The following RELCH variants were observed in gnomAD, a reference collection of about 807,000 sequenced individuals.
RELCH encodes RAB11 binding and LisH domain, coiled-coil and HEAT repeat containing, also known as RAB11-binding protein RELCH.
RELCH carries 41 observed loss-of-function variants against 150.3 expected under a neutral mutation model. The ratio of observed to expected loss-of-function variants is 0.27; its 90% CI spans 0.21 to 0.35. RELCH has a LOEUF of 0.35. RELCH is among the 10% of genes least tolerant of loss of function. RELCH has a pLI of 1.00. For missense variants in RELCH, 1,092 were observed against 1,467.8 expected (o/e 0.74, Z 4.18); for synonymous variants, 478 against 531.8 (o/e 0.90, Z 1.39).
At chr18:62,266,207 G>A (rs2043552957) in intron 18 of RELCH, among the ~76,000 whole-genome samples, 4 of 151,848 alleles carry the variant, frequency 2.6e-5, no homozygotes, top group Non-Finnish European at 5.9e-5. Context: ...ATTTCAATTT[G>A]AAAAGTTGTA....
chr18:62,221,119 T>C lies in RELCH; in HGVS notation c.688+11T>C. 2 of 1,612,734 alleles carry C rather than the reference T, an allele frequency of 1.2e-6. No individual in the cohort carries two copies. The highest frequency in any genetic ancestry group is 1.7e-6 in the Non-Finnish European group (2 of 1,179,182). On this transcript the variant is annotated intron_variant, in intron 3 of 28. Transcript: ENST00000644646. ...TGACAAAGGCCGCAGGTGGTGTACA[T>C]AAAACTTTTTTGAGACTTTTCAACT... is the stretch of plus-strand genomic sequence containing the variant.
chr18:62,212,236 C>T (rs945149517), intron 2 of RELCH, among the ~76,000 whole-genome samples: 7 of 152,322 alleles, frequency 4.6e-5, no homozygotes, highest in South Asian at 2.1e-4. Context: ...TATCTGCTAC[C>T]GTTCTGGTGC....
rs1473997017 is a variant in RELCH at position 62,227,322 on chromosome 18, A to T, written c.892A>T (p.Ile298Phe). 6.2e-7 allele frequency: 1 copy of T among 1,610,810 alleles called. No homozygotes were observed. The highest frequency in any genetic ancestry group is 8.5e-7 in the Non-Finnish European group (1 of 1,177,594). Residue 298 changes from isoleucine to phenylalanine, a missense_variant, in exon 6 of 29, where the codon ATT (isoleucine) becomes TTT (phenylalanine). Coordinates refer to ENST00000644646, the MANE Select transcript of RELCH (RefSeq NM_001346231.2). ...FELWDDVGLN[I>F]PKPPDLLQLY... Reference sequence around the variant, plus strand: ...ATTATGGGATGATGTAGGATTAAACATTCCAAAACCTCCAGACTTATTGCA... The same window carrying T: ...ATTATGGGATGATGTAGGATTAAACTTTCCAAAACCTCCAGACTTATTGCA...
rs1439941236 is a variant in RELCH, at chr18:62,308,223, A to G, written c.*2689A>G. ...TGTCTTTTCATCATCCCATTTTTCA[A>G]GACAACCTATTTTGGACCATTATTT... On this transcript the variant is annotated 3_prime_UTR_variant, in exon 29 of 29. Coordinates refer to ENST00000644646, the MANE Select transcript of RELCH (RefSeq NM_001346231.2). 1 of 152,160 alleles carries G rather than the reference A, an allele frequency of 6.6e-6. No individual in the cohort carries two copies. Among genetic ancestry groups the G allele is most frequent in the African/African-American group, 2.4e-5 (1 of 41,438 alleles). The allele number at this position is 152,160 out of a possible 1,614,324, so 9.4% of individuals were successfully genotyped here. A position where few individuals can be genotyped will look rare whatever the true frequency, so the allele number is the denominator to read the frequency against.
rs535188044 is a variant in RELCH, at chr18:62,305,126, C to T, written c.3531-288C>T. 9.9e-5 allele frequency among the ~76,000 whole-genome samples: 15 copies of T among 152,154 alleles called. No homozygotes were observed. Among genetic ancestry groups the T allele is most frequent in the Non-Finnish European group, 1.9e-4 (13 of 68,030 alleles). Reference sequence around the variant, plus strand: ...AGGAGGCAAATACTAGAATCATCCTCGTTTTACAGATGAGATTAAATAATT... The same window carrying T: ...AGGAGGCAAATACTAGAATCATCCTTGTTTTACAGATGAGATTAAATAATT... On this transcript the variant is annotated intron_variant, in intron 28 of 28. Transcript: ENST00000644646. The surrounding 1 kb of genome is among the most constrained non-coding windows in gnomAD (Gnocchi z 4.0).
At chr18:62,304,893 C>T (rs1413324578) in intron 28 of RELCH, among the ~76,000 whole-genome samples, 1 of 152,140 alleles carries the variant, frequency 6.6e-6, no homozygotes, top group South Asian at 2.1e-4. Context: ...AAGGAATATA[C>T]CATAGGATTA....
chr18:62,273,762 A>G lies in RELCH; in HGVS notation c.2761-218A>G, dbSNP rs192819719. Among the ~76,000 whole-genome samples, 510 of 152,276 alleles carry G rather than the reference A, an allele frequency of 3.3e-3. 16 individuals are homozygous for G. The highest frequency in any genetic ancestry group is 0.03 in the Admixed American group (463 of 15,296). ...CCACATGTGGCTAGTGGCTACTACT[A>G]TATTAGACCACAGGTCTAAATTAAA... On this transcript the variant is annotated intron_variant, in intron 20 of 28. Transcript: ENST00000644646.
Position 62,265,303 on chromosome 18 carries a change from A to G in RELCH, c.2631+451A>G, listed in dbSNP as rs766698344. Among the ~76,000 whole-genome samples, 66 of 152,086 alleles carry G rather than the reference A, an allele frequency of 4.3e-4. 1 individual carries two copies. The highest frequency in any genetic ancestry group is 3.5e-4 in the Non-Finnish European group (24 of 67,998). ...TGCTGCGAAGATGCCACCTCTTAGA[A>G]TAGCATGGACACTGGAGATAAATTC... On this transcript the variant is annotated intron_variant, in intron 18 of 28. Transcript: ENST00000644646.
Position 62,307,395 on chromosome 18 carries a change from T to C in RELCH, c.*1861T>C, listed in dbSNP as rs1052735285. Reference sequence around the variant, plus strand: ...GTATGTTTGTTATCAGGTGAATGGGTAGAATGTATTTTTATTGTGAACATT... The same window carrying C: ...GTATGTTTGTTATCAGGTGAATGGGCAGAATGTATTTTTATTGTGAACATT... On this transcript the variant is annotated 3_prime_UTR_variant, in exon 29 of 29. Coordinates refer to ENST00000644646, the MANE Select transcript of RELCH (RefSeq NM_001346231.2). 2 of 152,064 alleles carry C rather than the reference T, an allele frequency of 1.3e-5. No individual in the cohort carries two copies. Among genetic ancestry groups the C allele is most frequent in the Admixed American group, 6.5e-5 (1 of 15,274 alleles). 9.4% of individuals were successfully genotyped at this position (152,064 alleles called of 1,614,324 possible).
At chr18:62,224,829 T>C (rs2041110081) in intron 5 of RELCH, among the ~76,000 whole-genome samples, 1 of 152,106 alleles carries the variant, frequency 6.6e-6, no homozygotes, top group African/African-American at 2.4e-5. Flanking sequence ...CAATGAAATC[T>C]AAATCTCACT....
At chr18:62,197,858 A>G (rs1843787584) in intron 1 of RELCH, among the ~76,000 whole-genome samples, 1 of 152,204 alleles carries the variant, frequency 6.6e-6, no homozygotes. Context: ...GACTGATAAA[A>G]CAACACTAGG....
intron 10 of RELCH, among the ~76,000 whole-genome samples, chr18:62,237,220 G>C (rs2041920724): frequency 6.6e-6 from 1 of 151,736 alleles, no homozygotes; most frequent in Admixed American, 6.6e-5. Context: ...GTCTGTCCTG[G>C]AGAACGTTCT....
At chr18:62,292,169 A>G (rs1255345524) in intron 27 of RELCH, among the ~76,000 whole-genome samples, 1 of 152,080 alleles carries the variant, frequency 6.6e-6, no homozygotes, top group Non-Finnish European at 1.5e-5. Flanking sequence ...CTTCCTGATC[A>G]TCCACATTTA....
intron 1 of RELCH, among the ~76,000 whole-genome samples, chr18:62,209,450 G>A (rs1421078621): frequency 2.0e-5 from 3 of 152,152 alleles, no homozygotes; most frequent in Non-Finnish European, 4.4e-5. Flanking sequence ...GACCATAAAT[G>A]TAAGGGCTTA....
chr18:62,198,466 G>A (rs1193989599), intron 1 of RELCH, among the ~76,000 whole-genome samples: 2 of 152,170 alleles, frequency 1.3e-5, no homozygotes, highest in Non-Finnish European at 1.5e-5. Context: ...ATCCTCAGCC[G>A]TCAGAAATAG....
Position 62,228,607 on chromosome 18 carries a change from G to T in RELCH, c.1448+9G>T, listed in dbSNP as rs764629702. Reference sequence around the variant, plus strand: ...TTTGATAAACCTAATAGGTTAGTATGCATCCTATATTTTGAAATGCATCTT... The same window carrying T: ...TTTGATAAACCTAATAGGTTAGTATTCATCCTATATTTTGAAATGCATCTT... On this transcript the variant is annotated intron_variant, in intron 8 of 28. Coordinates refer to ENST00000644646, the MANE Select transcript of RELCH (RefSeq NM_001346231.2). The T allele has an allele frequency of 1.9e-6, 3 of 1,580,868 alleles. No homozygotes were observed. The highest frequency in any genetic ancestry group is 8.6e-7 in the Non-Finnish European group (1 of 1,161,302).
chr18:62,251,540 T>C (rs2042702577), intron 11 of RELCH, among the ~76,000 whole-genome samples: 1 of 152,178 alleles, frequency 6.6e-6, no homozygotes, highest in South Asian at 2.1e-4. Flanking sequence ...AATCTCAAAA[T>C]TGACCTCTTA....
chr18:62,204,058 G>A (rs2039625167), intron 1 of RELCH, among the ~76,000 whole-genome samples: 1 of 151,866 alleles, frequency 6.6e-6, no homozygotes, highest in Admixed American at 6.6e-5. Context: ...CTTATATATG[G>A]GGGAAAATTC....
rs1187340381 is a variant in RELCH at position 62,219,371 on chromosome 18, T to C, written c.617-1666T>C. Among the ~76,000 whole-genome samples the C allele has an allele frequency of 2.7e-5, 4 of 146,384 alleles. No individual in the cohort carries two copies. In the Admixed American group the frequency reaches 2.9e-4, roughly 10 times the overall value. ...TTTCTATCATTCTGGCGTAGGGCACTTCTGATCTGCAATTGTTCTGTAATG... is the reference window on the plus strand; with the variant it reads ...TTTCTATCATTCTGGCGTAGGGCACCTCTGATCTGCAATTGTTCTGTAATG... On this transcript the variant is annotated intron_variant, in intron 2 of 28. Coordinates refer to ENST00000644646, the MANE Select transcript of RELCH (RefSeq NM_001346231.2).
Sources: allele counts gnomAD v4.1 joint callset (sites outside exome capture counted in the v4.1 genomes callset), GRCh38; gene constraint gnomAD v4.1.1; non-coding constraint Gnocchi (gnomAD v3.1); transcripts MANE v1.5; gene names NCBI Gene and HGNC (gene_info 2026-07-23, HGNC 2026-07-21).